Variants in OXNAD1 observed in about 807,000 individuals in gnomAD.
The protein encoded by OXNAD1 is oxidoreductase NAD-binding domain-containing protein 1.
OXNAD1 carries 34 observed loss-of-function variants against 32.9 expected under a neutral mutation model. The ratio of observed to expected loss-of-function variants is 1.03; its 90% CI spans 0.79 to 1.38. The LOEUF (loss-of-function observed/expected upper bound fraction) is 1.38. Ranked by LOEUF, OXNAD1 falls within the 40% of genes most tolerant of loss-of-function variation. The probability of loss-of-function intolerance (pLI) is 0.00; values close to 1 mark genes in which losing one functional copy is unlikely to be tolerated. For missense variants in OXNAD1, 407 were observed against 379.4 expected, an observed-to-expected ratio of 1.07 and a Z score of -0.60; for synonymous variants, 134 against 135.2, an observed-to-expected ratio of 0.99 and a Z score of 0.06.
chr3:16,269,285 A>C lies in OXNAD1; in HGVS notation c.-9+10A>C. The C allele has an allele frequency of 6.5e-7, 1 of 1,534,416 alleles. No individual in the cohort carries two copies. The highest frequency in any genetic ancestry group is 8.7e-7 in the Non-Finnish European group (1 of 1,145,934). On this transcript the variant is annotated intron_variant, in intron 2 of 8. Transcript: ENST00000285083. ...CTCGTGGACTTCTAAGGTAAGTTTC[A>C]ACTTCTTTCTTTCAGGGATTAAGGT...
chr3:16,286,571 T>C, intron 5 of OXNAD1, 123 bp downstream of exon 5: 1 of 785,720 alleles, frequency 1.3e-6, no homozygotes, highest in Non-Finnish European at 2.1e-6. Flanking sequence ...CTAAATCATA[T>C]CTGCTCAGGG....
At position 16,334,772 on chromosome 3, in the gene OXNAD1, C is replaced by T. The variant is rs538525; in HGVS notation, c.*31-2340C>T. On this transcript the variant is annotated intron_variant, in intron 9 of 9. Coordinates refer to the OXNAD1 transcript ENST00000435829. This position sits in a 1 kb window ranked among gnomAD's most constrained non-coding sequence, Gnocchi z 4.3. ...CAGGAGCCTGTGAAAATGTTCCCTTCGCATGGTAAAGGGATGTGGCAGATA... is the reference window on the plus strand; with the variant it reads ...CAGGAGCCTGTGAAAATGTTCCCTTTGCATGGTAAAGGGATGTGGCAGATA... Among the ~76,000 whole-genome samples, 53,550 of 152,042 alleles carry T rather than the reference C, an allele frequency of 0.35. 10,407 individuals are homozygous for T. The highest frequency in any genetic ancestry group is 0.43 in the Non-Finnish European group (28,964 of 67,948).
At position 16,315,226 on chromosome 3, in the gene OXNAD1, C is replaced by T. The variant is rs556047167; in HGVS notation, c.*30+11634C>T. On this transcript the variant is annotated intron_variant, in intron 9 of 9. Coordinates refer to the OXNAD1 transcript ENST00000435829. ...TGCCTCCCAGGTTCAAGCAATTCTC[C>T]TGCCTCAGCCTCCCGAGTAGCTGAG... is the stretch of plus-strand genomic sequence containing the variant. 3.3e-5 allele frequency among the ~76,000 whole-genome samples: 5 copies of T among 152,294 alleles called. No individual in the cohort carries two copies. The East Asian group carries it at 5.8e-4, about 18-fold the overall frequency.
chr3:16,311,823 CT>C (rs1434103270), intron 9 of OXNAD1, among the ~76,000 whole-genome samples: 1 of 152,156 alleles, frequency 6.6e-6, no homozygotes, highest in African/African-American at 2.4e-5. Context: ...CATCAGTGGC[CT>C]CCTATTAAGC....
rs1339887568 is a variant in OXNAD1, at chr3:16,305,130, C to T, written c.*1568C>T. 6.6e-6 allele frequency: 1 copy of T among 152,264 alleles called. No individual in the cohort carries two copies. Among genetic ancestry groups the T allele is most frequent in the Non-Finnish European group, 1.5e-5 (1 of 68,126 alleles). 9.4% of individuals were successfully genotyped at this position (152,264 alleles called of 1,614,324 possible). ...AGTGCCCAGGCTGAGGGCATAGGAG[C>T]ATGATGAGATGCAAGGATGTGGGAT... On this transcript the variant is annotated 3_prime_UTR_variant, in exon 9 of 9. Transcript: ENST00000285083. This position sits in a 1 kb window ranked among gnomAD's most constrained non-coding sequence, Gnocchi z 4.5.
chr3:16,297,610 CA>C lies in OXNAD1; in HGVS notation c.432+2614del, dbSNP rs1162135550. On this transcript the variant is annotated intron_variant, in intron 6 of 8. Coordinates refer to ENST00000285083, the MANE Select transcript of OXNAD1 (RefSeq NM_138381.5). The surrounding 1 kb of genome is among the most constrained non-coding windows in gnomAD (Gnocchi z 4.3). ...TAGAAACAACCCAAATGTCCCTCAG[CA>C]GGTGAATGGATAACTTGTGATATAG... is the stretch of plus-strand genomic sequence containing the variant. Among the ~76,000 whole-genome samples, 1 of 152,178 alleles carries C rather than the reference CA, an allele frequency of 6.6e-6. No individual in the cohort carries two copies. The highest frequency in any genetic ancestry group is 2.4e-5 in the African/African-American group (1 of 41,454).
At chr3:16,276,843 C>G (rs1386444307) in intron 4 of OXNAD1, among the ~76,000 whole-genome samples, 1 of 151,842 alleles carries the variant, frequency 6.6e-6, no homozygotes, top group Non-Finnish European at 1.5e-5. Context: ...CAGAAAATTA[C>G]AGGAAAATCC....
chr3:16,333,662 T>TA (rs1480666279), intron 9 of OXNAD1, among the ~76,000 whole-genome samples: 2 of 151,794 alleles, frequency 1.3e-5, no homozygotes, highest in African/African-American at 4.8e-5. Context: ...TTTGATTACA[T>TA]AAAAACTCAT....
rs370820242 is a variant in OXNAD1 at position 16,345,788 on chromosome 3, C to CTGTGTGTGTGTGTGTGTGTGTGTGTG, written c.*31-3383_*31-3358dup. ...TGAGCCAAAACCTTATAATAAATCT[C>CTGTGTGTGTGTGTGTGTGTGTGTGTG]TGTGTGTGTGTGTGTGTGTGTGTGT... On this transcript the variant is annotated intron_variant, in intron 9 of 9. Transcript: ENST00000606098. This position sits in a 1 kb window ranked among gnomAD's most constrained non-coding sequence, Gnocchi z 5.2. Among the ~76,000 whole-genome samples, 33 of 127,246 alleles carry CTGTGTGTGTGTGTGTGTGTGTGTGTG rather than the reference C, an allele frequency of 2.6e-4. No individual in the cohort carries two copies. Among genetic ancestry groups the CTGTGTGTGTGTGTGTGTGTGTGTGTG allele is most frequent in the African/African-American group, 1.0e-3 (33 of 33,128 alleles). The allele number at this position is 127,246 out of a possible 152,430, so 83.5% of individuals were successfully genotyped here. A position where few individuals can be genotyped will look rare whatever the true frequency, so the allele number is the denominator to read the frequency against.
intron 1 of OXNAD1, among the ~76,000 whole-genome samples, chr3:16,266,022 T>G (rs2064471011): frequency 6.6e-6 from 1 of 152,256 alleles, no homozygotes; most frequent in African/African-American, 2.4e-5. Flanking sequence ...TGGGTCTTAC[T>G]TAATTACTAG....
rs867837129 is a variant in OXNAD1, at chr3:16,329,174, C to T, written c.*31-7938C>T. 2.0e-5 allele frequency among the ~76,000 whole-genome samples: 3 copies of T among 152,296 alleles called. No individual in the cohort carries two copies. Among genetic ancestry groups the T allele is most frequent in the East Asian group, 1.9e-4 (1 of 5,172 alleles). On this transcript the variant is annotated intron_variant, in intron 9 of 9. Coordinates refer to the OXNAD1 transcript ENST00000435829. The surrounding 1 kb of genome is among the most constrained non-coding windows in gnomAD (Gnocchi z 4.5). Reference sequence around the variant, plus strand: ...CTCTCTCCCCTCTTTTCTGCGCTTCCGCCTCGGGATGACGCAGCAAGAAGG... The same window carrying T: ...CTCTCTCCCCTCTTTTCTGCGCTTCTGCCTCGGGATGACGCAGCAAGAAGG...
At chr3:16,339,538 T>A (rs2071166503), downstream of OXNAD1, 1 of 152,182 alleles carries the variant, frequency 6.6e-6, no homozygotes, top group Non-Finnish European at 1.5e-5. Flanking sequence ...CCATAACAGA[T>A]GCGCTGCCGG....
In OXNAD1 at chr3:16,265,951, A is replaced by G. The variant is rs1559712448; in HGVS notation, c.-159+446A>G. 2 of 957,650 alleles carry G rather than the reference A, an allele frequency of 2.1e-6. No homozygotes were observed. The highest frequency in any genetic ancestry group is 2.5e-6 in the Non-Finnish European group (2 of 804,794). The allele number at this position is 957,650 out of a possible 1,614,324, so 59.3% of individuals were successfully genotyped here. A position where few individuals can be genotyped will look rare whatever the true frequency, so the allele number is the denominator to read the frequency against. Reference sequence around the variant, plus strand: ...ATGTATGCCTTGAAGCGAAATGCAGATAAAAGGCATTTTTGTCTTGAAAGC... The same window carrying G: ...ATGTATGCCTTGAAGCGAAATGCAGGTAAAAGGCATTTTTGTCTTGAAAGC... On this transcript the variant is annotated intron_variant, in intron 1 of 8. Transcript: ENST00000285083. The surrounding 1 kb of genome is among the most constrained non-coding windows in gnomAD (Gnocchi z 4.8).
intron 9 of OXNAD1, among the ~76,000 whole-genome samples, chr3:16,325,126 T>A (rs1309187853): frequency 6.6e-6 from 1 of 152,250 alleles, no homozygotes; most frequent in African/African-American, 2.4e-5. Flanking sequence ...AGAACTAATA[T>A]TTACTCTGCA....
intron 4 of OXNAD1, among the ~76,000 whole-genome samples, chr3:16,275,447 T>G (rs1290680922): frequency 6.6e-6 from 1 of 152,186 alleles, no homozygotes; most frequent in African/African-American, 2.4e-5. Context: ...GTGCTTGTAG[T>G]CCTGGCTACT....
Position 16,317,979 on chromosome 3 carries a change from G to A in OXNAD1, c.*30+14387G>A, listed in dbSNP as rs2068608920. Among the ~76,000 whole-genome samples the A allele has an allele frequency of 6.6e-6, 1 of 152,186 alleles. No homozygotes were observed. Among genetic ancestry groups the A allele is most frequent in the Non-Finnish European group, 1.5e-5 (1 of 68,044 alleles). On this transcript the variant is annotated intron_variant, in intron 9 of 9. Coordinates refer to the OXNAD1 transcript ENST00000435829. This position sits in a 1 kb window ranked among gnomAD's most constrained non-coding sequence, Gnocchi z 4.3. ...TCTGCCCGCTACTGTACCGACAAGT[G>A]TTCTAAGGTAACTCCCTCTAAAAAC...
In OXNAD1 at chr3:16,301,821, A is replaced by G. The variant is rs759677271; in HGVS notation, c.628A>G (p.Ile210Val). The G allele has an allele frequency of 3.1e-6, 5 of 1,614,148 alleles. No homozygotes were observed. The Admixed American group carries it at 8.3e-5, about 27-fold the overall frequency. The change falls in exon 7 of 9, where the codon ATA becomes GTA. Residue 210 changes from isoleucine to valine, a missense_variant. Physicochemically the swap from Ile to Val is conservative, Grantham distance 29 (BLOSUM62 3). Coordinates refer to ENST00000285083, the MANE Select transcript of OXNAD1 (RefSeq NM_138381.5). This position sits in a 1 kb window ranked among gnomAD's most constrained non-coding sequence, Gnocchi z 4.1. ...AAGAAATGGATATGAGATAGGAACAATAAAACTATTCTACAGTGCAAAAAA... is the reference window on the plus strand; with the variant it reads ...AAGAAATGGATATGAGATAGGAACAGTAAAACTATTCTACAGTGCAAAAAA... Reference protein sequence around the residue: ...NKRNGYEIGTIKLFYSAKNTS... With the variant: ...NKRNGYEIGTVKLFYSAKNTS...
At chr3:16,295,053 A>G (rs937251738) in intron 6 of OXNAD1, 56 bp downstream of exon 6, 1 of 1,527,196 alleles carries the variant, frequency 6.5e-7, no homozygotes, top group African/African-American at 1.4e-5. Context: ...CACCCACAAA[A>G]TTTGTGTTAA....
downstream of OXNAD1, among the ~76,000 whole-genome samples, chr3:16,310,416 C>G (rs2067886937): frequency 6.6e-6 from 1 of 152,120 alleles, no homozygotes; most frequent in African/African-American, 2.4e-5. Flanking sequence ...AAATATATTT[C>G]TTACTATCTT....
Sources: gnomAD v4.1 joint callset for allele counts (sites outside exome capture counted in the v4.1 genomes callset) on GRCh38, gnomAD v4.1.1 for gene constraint, Gnocchi (gnomAD v3.1) non-coding constraint, MANE v1.5 for transcripts, NCBI Gene and HGNC (gene_info 2026-07-23, HGNC 2026-07-21) for gene names.